SCHIP1: variants seen among roughly 807,000 people sequenced by gnomAD.
SCHIP1 encodes schwannomin interacting protein 1, also known as schwannomin-interacting protein 1.
In SCHIP1, 8 loss-of-function variants were observed where a neutral mutation model predicts 29.7. The observed-to-expected ratio is 0.27, with a 90% CI of 0.16 to 0.49. The LOEUF (loss-of-function observed/expected upper bound fraction) is 0.49. SCHIP1 is among the 20% of genes least tolerant of loss of function. The pLI, the probability that SCHIP1 is intolerant of heterozygous loss-of-function variation, is 0.99. For missense variants in SCHIP1, 193 were observed against 294.6 expected, an observed-to-expected ratio of 0.66 and a Z score of 2.52; for synonymous variants, 76 against 94.9, an observed-to-expected ratio of 0.80 and a Z score of 1.16.
At chr3:159,744,964 A>G in the SCHIP1 span, among the ~76,000 whole-genome samples, 3 of 149,776 alleles carry the variant, frequency 2.0e-5, no homozygotes, top group East Asian at 5.8e-4. Flanking sequence ...CCTGGGCGAC[A>G]GAGCAAGACT....
At chr3:159,706,252 T>G in the SCHIP1 span, among the ~76,000 whole-genome samples, 1 of 152,038 alleles carries the variant, frequency 6.6e-6, no homozygotes, top group Non-Finnish European at 1.5e-5. Context: ...CATATGAATA[T>G]CCCCCATTTC....
chr3:159,404,050 G>A, the SCHIP1 span, among the ~76,000 whole-genome samples: 1 of 152,152 alleles, frequency 6.6e-6, no homozygotes, highest in Non-Finnish European at 1.5e-5. Flanking sequence ...ATGCTACCTT[G>A]AAGAGAAGAA....
the SCHIP1 span, among the ~76,000 whole-genome samples, chr3:159,584,689 C>T: frequency 7.4e-3 from 1,126 of 152,166 alleles, 8 homozygotes; most frequent in African/African-American, 0.026. Flanking sequence ...GTCCCCTAAC[C>T]AGCAACATCA....
At chr3:159,644,538 AC>A in the SCHIP1 span, among the ~76,000 whole-genome samples, 1 of 152,064 alleles carries the variant, frequency 6.6e-6, no homozygotes, top group East Asian at 1.9e-4. Context: ...TGTATGAGCC[AC>A]TTTTCTTTTA....
chr3:159,593,830 C>T, the SCHIP1 span, among the ~76,000 whole-genome samples: 1 of 152,310 alleles, frequency 6.6e-6, no homozygotes, highest in Admixed American at 6.5e-5. Context: ...ACTGCAAATG[C>T]TGTTTAATTC....
the SCHIP1 span, among the ~76,000 whole-genome samples, chr3:159,559,750 C>T: frequency 6.6e-6 from 1 of 152,074 alleles, no homozygotes. Flanking sequence ...CAATTCCCAC[C>T]CTTCAATCTC....
the SCHIP1 span, among the ~76,000 whole-genome samples, chr3:159,397,275 T>C: frequency 1.1e-4 from 17 of 152,306 alleles, no homozygotes; most frequent in African/African-American, 3.8e-4. Context: ...AATGTCCTCC[T>C]GTAGCTCAGA....
chr3:159,867,641 G>A (rs1445093780), intron 2 of SCHIP1, among the ~76,000 whole-genome samples: 1 of 152,058 alleles, frequency 6.6e-6, no homozygotes, highest in Non-Finnish European at 1.5e-5. Flanking sequence ...AGAACTGGAT[G>A]GTCAGCCCTC....
intron 1 of SCHIP1, among the ~76,000 whole-genome samples, chr3:159,855,190 C>A (rs1274209618): frequency 6.6e-6 from 1 of 152,190 alleles, no homozygotes; most frequent in East Asian, 1.9e-4. Context: ...CTTTTAAATA[C>A]CTTCCTCAGG....
chr3:159,510,790 C>T, the SCHIP1 span, among the ~76,000 whole-genome samples: 1 of 152,170 alleles, frequency 6.6e-6, no homozygotes, highest in East Asian at 1.9e-4. Flanking sequence ...GTGAATATTG[C>T]TGAACAGCTA....
chr3:159,332,575 C>G, the SCHIP1 span, among the ~76,000 whole-genome samples: 1 of 152,058 alleles, frequency 6.6e-6, no homozygotes, highest in Non-Finnish European at 1.5e-5. Context: ...TATTCAGTCT[C>G]CAGGAATATG....
At chr3:159,521,819 A>G in the SCHIP1 span, among the ~76,000 whole-genome samples, 2 of 152,252 alleles carry the variant, frequency 1.3e-5, no homozygotes, top group East Asian at 1.9e-4. Context: ...ATATCTATAC[A>G]TAATTCATGT....
At chr3:159,680,643 A>G in the SCHIP1 span, among the ~76,000 whole-genome samples, 1 of 88,160 alleles carries the variant, frequency 1.1e-5, no homozygotes, top group South Asian at 2.8e-4. Context: ...TATATATTAT[A>G]TAATATATGT....
chr3:159,754,159 T>A, the SCHIP1 span, among the ~76,000 whole-genome samples: 1 of 152,240 alleles, frequency 6.6e-6, no homozygotes, highest in Non-Finnish European at 1.5e-5. Flanking sequence ...TGTGTTGAAT[T>A]AATAACAGGT....
the SCHIP1 span, among the ~76,000 whole-genome samples, chr3:159,524,358 C>T: frequency 6.6e-6 from 1 of 152,226 alleles, no homozygotes; most frequent in Non-Finnish European, 1.5e-5. Context: ...TTCTACAGCT[C>T]ACACCTAATT....
the SCHIP1 span, among the ~76,000 whole-genome samples, chr3:159,473,443 T>A: frequency 6.6e-6 from 1 of 151,328 alleles, no homozygotes; most frequent in Non-Finnish European, 1.5e-5. Context: ...CTTAGAAAAA[T>A]GTGAATAAAA....
chr3:159,479,105 G>T, the SCHIP1 span, among the ~76,000 whole-genome samples: 1 of 152,160 alleles, frequency 6.6e-6, no homozygotes, highest in Middle Eastern at 3.4e-3. Context: ...AAGGCATGAG[G>T]AAATTCACAT....
At chr3:159,882,248 G>A (rs527917938) in intron 2 of SCHIP1, among the ~76,000 whole-genome samples, 1 of 152,254 alleles carries the variant, frequency 6.6e-6, no homozygotes, top group South Asian at 2.1e-4. Context: ...TAATCCACAG[G>A]TGATTATACA....
At chr3:159,753,239 C>T in the SCHIP1 span, among the ~76,000 whole-genome samples, 1 of 152,208 alleles carries the variant, frequency 6.6e-6, no homozygotes, top group South Asian at 2.1e-4. Flanking sequence ...ATCTTTATAT[C>T]TTCAGCCCCA....
Sources: gnomAD v4.1 joint callset for allele counts (sites outside exome capture counted in the v4.1 genomes callset) on GRCh38, gnomAD v4.1.1 for gene constraint, MANE v1.5 for transcripts, NCBI Gene and HGNC (gene_info 2026-07-23, HGNC 2026-07-21) for gene names.